Variants in XRCC5 observed in about 807,000 individuals in gnomAD.
XRCC5 encodes DNA repair protein Ku80.
In XRCC5, 12 loss-of-function variants were observed where a neutral mutation model predicts 95.7. That is an observed-to-expected ratio of 0.13 (90% CI 0.08 to 0.20). The LOEUF (loss-of-function observed/expected upper bound fraction) is 0.20. Among genes scored for constraint, XRCC5 ranks in the 10% least tolerant of loss-of-function variants. The pLI is 1.00. For synonymous variants in XRCC5, 281 were observed against 290.3 expected (o/e 0.97, Z 0.33); for missense variants, 595 against 873.9 (o/e 0.68, Z 4.02).
intron 19 of XRCC5, among the ~76,000 whole-genome samples, chr2:216,199,808 ATCTTTTT>A (rs1430242229): frequency 4.9e-5 from 6 of 121,890 alleles, no homozygotes; most frequent in Non-Finnish European, 9.8e-5. Flanking sequence ...TGGCATTGGG[ATCTTTTT>A]TTTTTTTTTT....
At chr2:216,168,891 T>G (rs1474034050) in intron 16 of XRCC5, among the ~76,000 whole-genome samples, 1 of 152,228 alleles carries the variant, frequency 6.6e-6, no homozygotes, top group Admixed American at 6.5e-5. Context: ...AAAGATCACA[T>G]AGGAATTCAA....
chr2:216,119,386 A>G (rs1305248530), intron 5 of XRCC5, among the ~76,000 whole-genome samples: 1 of 152,254 alleles, frequency 6.6e-6, no homozygotes, highest in Non-Finnish European at 1.5e-5. Context: ...TCAGTGATCC[A>G]GAAGAATTGA....
At chr2:216,196,079 G>T (rs941008099) in intron 19 of XRCC5, among the ~76,000 whole-genome samples, 1 of 152,168 alleles carries the variant, frequency 6.6e-6, no homozygotes, top group Non-Finnish European at 1.5e-5. Context: ...ATGTTAATCA[G>T]ATGGCTAAAT....
At chr2:216,191,288 T>C (rs41302524) in intron 17 of XRCC5, among the ~76,000 whole-genome samples, 3,079 of 152,166 alleles carry the variant, frequency 0.02, 110 homozygotes, top group African/African-American at 0.068. Context: ...TGCCACCCAG[T>C]GTCCTTAAAA....
intron 16 of XRCC5, among the ~76,000 whole-genome samples, chr2:216,168,163 T>G (rs1214844920): frequency 6.6e-6 from 1 of 152,190 alleles, no homozygotes; most frequent in African/African-American, 2.4e-5. Context: ...CCATTGGCCT[T>G]TAAGGTGTTG....
chr2:216,138,907 A>C (rs1697131166), intron 12 of XRCC5, among the ~76,000 whole-genome samples: 1 of 152,182 alleles, frequency 6.6e-6, no homozygotes. Flanking sequence ...TTGTGAGGTG[A>C]GTCTCGGAAC....
At chr2:216,127,329 G>A (rs1254126611) in intron 7 of XRCC5, among the ~76,000 whole-genome samples, 1 of 152,164 alleles carries the variant, frequency 6.6e-6, no homozygotes, top group Non-Finnish European at 1.5e-5. Flanking sequence ...TTACTTTTGG[G>A]AGAAAATGAA....
chr2:216,163,447 G>A (rs1466051636), intron 16 of XRCC5, among the ~76,000 whole-genome samples: 4 of 151,798 alleles, frequency 2.6e-5, no homozygotes, highest in African/African-American at 4.8e-5. Flanking sequence ...ATACCCCCAC[G>A]CCCGGCTAAT....
chr2:216,126,621 C>T (rs1367184947), intron 7 of XRCC5, among the ~76,000 whole-genome samples: 3 of 152,086 alleles, frequency 2.0e-5, no homozygotes, highest in Non-Finnish European at 2.9e-5. Flanking sequence ...AGCCTCCTTG[C>T]CTTTTTCCTT....
At chr2:216,112,962 C>G in intron 1 of XRCC5, 54 bp from the exon 2 acceptor site, 1 of 1,374,240 alleles carries the variant, frequency 7.3e-7, no homozygotes. Context: ...GACATTCTTA[C>G]AGTCTTTTCT....
At chr2:216,113,908 C>T (rs1423623241) in intron 2 of XRCC5, among the ~76,000 whole-genome samples, 1 of 152,176 alleles carries the variant, frequency 6.6e-6, no homozygotes, top group Non-Finnish European at 1.5e-5. Context: ...AAAGTCATTT[C>T]TGTTTTCTGT....
At chr2:216,113,674 C>T (rs1294033021) in intron 2 of XRCC5, among the ~76,000 whole-genome samples, 1 of 152,202 alleles carries the variant, frequency 6.6e-6, no homozygotes, top group Non-Finnish European at 1.5e-5. Context: ...CCCAAAGGCT[C>T]AACTGGACCA....
At chr2:216,137,530 A>C (rs942623850) in intron 11 of XRCC5, among the ~76,000 whole-genome samples, 3 of 152,234 alleles carry the variant, frequency 2.0e-5, no homozygotes, top group African/African-American at 7.2e-5. Flanking sequence ...TTAGATTAAA[A>C]GAATAATCAA....
Position 216,205,360 on chromosome 2 carries a change from A to T in XRCC5, c.*158A>T. ...GATCATCTAATTCTCTGTGGAATGA[A>T]TACACACATATATATTACAAGGGAT... On this transcript the variant is annotated 3_prime_UTR_variant, in exon 21 of 21. Coordinates refer to ENST00000392132, the MANE Select transcript of XRCC5 (RefSeq NM_021141.4). 1.3e-6 allele frequency: 1 copy of T among 770,738 alleles called. No individual in the cohort carries two copies. The highest frequency in any genetic ancestry group is 2.3e-6 in the Non-Finnish European group (1 of 435,000). 47.7% of individuals were successfully genotyped at this position (770,738 alleles called of 1,614,324 possible). A position where few individuals can be genotyped will look rare whatever the true frequency, so the allele number is the denominator to read the frequency against.
chr2:216,109,911 G>C (rs981178865), intron 1 of XRCC5, among the ~76,000 whole-genome samples: 7 of 152,178 alleles, frequency 4.6e-5, no homozygotes, highest in Admixed American at 1.3e-4. Flanking sequence ...GGGACTATCT[G>C]TGACTAAAAT....
intron 19 of XRCC5, among the ~76,000 whole-genome samples, chr2:216,195,645 C>T (rs556292160): frequency 3.3e-5 from 5 of 152,156 alleles, no homozygotes; most frequent in Non-Finnish European, 5.9e-5. Context: ...CTTATTCACA[C>T]ACATTGTTAG....
chr2:216,169,887 A>G (rs917158909), intron 16 of XRCC5, among the ~76,000 whole-genome samples: 2 of 150,700 alleles, frequency 1.3e-5, no homozygotes, highest in African/African-American at 4.9e-5. Flanking sequence ...AAAAAAAACA[A>G]ACTTAGGTGG....
chr2:216,111,450 G>C (rs1386018409), intron 1 of XRCC5: 1 of 445,520 alleles, frequency 2.2e-6, no homozygotes, highest in East Asian at 7.4e-5. Flanking sequence ...CTTGAGCCCG[G>C]GAGATGGAGG....
intron 19 of XRCC5, among the ~76,000 whole-genome samples, chr2:216,198,913 G>A (rs1265658574): frequency 6.6e-6 from 1 of 152,128 alleles, no homozygotes; most frequent in Non-Finnish European, 1.5e-5. Flanking sequence ...AGAAGGGAGA[G>A]TGTACATGTA....
Sources: gnomAD v4.1 joint callset for allele counts (sites outside exome capture counted in the v4.1 genomes callset) on GRCh38, gnomAD v4.1.1 for gene constraint, MANE v1.5 for transcripts, NCBI Gene and HGNC (gene_info 2026-07-23, HGNC 2026-07-21) for gene names.